ZNF813: variants seen among roughly 807,000 people sequenced by gnomAD.
ZNF813 encodes zinc finger protein 813.
A neutral mutation model predicts 7.2 loss-of-function variants in ZNF813; 3 were observed. The ratio of observed to expected loss-of-function variants is 0.42; its 90% confidence interval spans 0.19 to 1.08. The LOEUF is 1.08. Ranked by LOEUF, ZNF813 falls within the 50% of genes least tolerant of loss-of-function variation. The pLI is 0.30. For missense variants in ZNF813, 714 were observed against 753.3 expected, an observed-to-expected ratio of 0.95 and a Z score of 0.61; for synonymous variants, 227 against 256.3, an observed-to-expected ratio of 0.89 and a Z score of 1.09.
At chr19:53,485,217 TG>T (rs761583896) in intron 2 of ZNF813, among the ~76,000 whole-genome samples, 7 of 152,152 alleles carry the variant, frequency 4.6e-5, no homozygotes, top group Non-Finnish European at 8.8e-5. Flanking sequence ...GTTGAAAGGG[TG>T]ATTGCTTCCT....
chr19:53,487,173 C>T (rs899880793), intron 3 of ZNF813, among the ~76,000 whole-genome samples: 3 of 152,018 alleles, frequency 2.0e-5, no homozygotes, highest in African/African-American at 7.2e-5. Flanking sequence ...CAATATGAGT[C>T]TTCTGTAGAA....
chr19:53,469,780 T>C (rs2086347085), intron 1 of ZNF813, among the ~76,000 whole-genome samples: 2 of 149,530 alleles, frequency 1.3e-5, no homozygotes, highest in South Asian at 2.1e-4. Flanking sequence ...CCTGGGGATC[T>C]AGGCTGCCAG....
At chr19:53,486,549 T>C in intron 2 of ZNF813, 83 bp from the exon 3 acceptor site, 3 of 1,609,600 alleles carry the variant, frequency 1.9e-6, no homozygotes, top group Non-Finnish European at 1.7e-6. Context: ...AAATCCATGC[T>C]TTCCCCTCTC....
At chr19:53,468,042 T>C (rs2086335958) in intron 1 of ZNF813, among the ~76,000 whole-genome samples, 1 of 152,238 alleles carries the variant, frequency 6.6e-6, no homozygotes, top group Admixed American at 6.5e-5. Flanking sequence ...TTTCCTGCTC[T>C]AAACCTTTCT....
rs1468764709 is a variant in ZNF813, at chr19:53,492,747, A to G, written c.*661A>G. ...TCGGCAAATTTTTCAGACATCGTCC[A>G]TACCTTGCAGTTCATTGGCGAACTC... On this transcript the variant is annotated 3_prime_UTR_variant, in exon 4 of 4. Coordinates refer to ENST00000396403, the MANE Select transcript of ZNF813 (RefSeq NM_001004301.4). 3.5e-5 allele frequency: 22 copies of G among 628,740 alleles called. No homozygotes were observed. The highest frequency in any genetic ancestry group is 5.6e-5 in the Non-Finnish European group (20 of 356,494). The allele number at this position is 628,740 out of a possible 1,614,324, so 38.9% of individuals were successfully genotyped here. A position where few individuals can be genotyped will look rare whatever the true frequency, so the allele number is the denominator to read the frequency against.
chr19:53,476,274 A>C (rs1373456303), intron 1 of ZNF813, among the ~76,000 whole-genome samples: 1 of 152,172 alleles, frequency 6.6e-6, no homozygotes, highest in African/African-American at 2.4e-5. Context: ...ATACTGCAAC[A>C]AGGTGCAGTT....
intron 2 of ZNF813, among the ~76,000 whole-genome samples, chr19:53,484,943 A>C (rs1271017371): frequency 6.6e-6 from 1 of 152,208 alleles, no homozygotes; most frequent in African/African-American, 2.4e-5. Flanking sequence ...GTAAAACTCC[A>C]AGCAAAGCTG....
chr19:53,472,237 T>C (rs57415661), intron 1 of ZNF813, among the ~76,000 whole-genome samples: 15,319 of 152,126 alleles, frequency 0.1, 836 homozygotes, highest in Non-Finnish European at 0.11. Flanking sequence ...TTACTGGCAT[T>C]TCGATAAGCA....
intron 1 of ZNF813, among the ~76,000 whole-genome samples, chr19:53,475,800 C>G (rs2086379171): frequency 6.6e-6 from 1 of 152,196 alleles, no homozygotes; most frequent in Non-Finnish European, 1.5e-5. Context: ...GTCAGAGCCC[C>G]TATAGTCATT....
intron 1 of ZNF813, among the ~76,000 whole-genome samples, chr19:53,478,165 T>C (rs7247895): frequency 0.34 from 51,982 of 151,888 alleles, 9,260 homozygotes; most frequent in Middle Eastern, 0.5. Context: ...ATACTTTTAA[T>C]TAAATTAATT....
intron 1 of ZNF813, among the ~76,000 whole-genome samples, chr19:53,477,984 G>T (rs2086389642): frequency 6.6e-6 from 1 of 152,016 alleles, no homozygotes; most frequent in Non-Finnish European, 1.5e-5. Flanking sequence ...TATCTATAAG[G>T]CATGTACATT....
chr19:53,483,646 G>A, intron 1 of ZNF813, 104 bp from the exon 2 acceptor site: 1 of 1,170,344 alleles, frequency 8.5e-7, no homozygotes, highest in Non-Finnish European at 1.2e-6. Flanking sequence ...GCAGCATAGG[G>A]GACCGTATTT....
Position 53,494,203 on chromosome 19 carries a change from T to G in ZNF813, c.*2117T>G, listed in dbSNP as rs2086476558. 1 of 152,178 alleles carries G rather than the reference T, an allele frequency of 6.6e-6. No individual in the cohort carries two copies. The highest frequency in any genetic ancestry group is 1.5e-5 in the Non-Finnish European group (1 of 68,026). 9.4% of individuals were successfully genotyped at this position (152,178 alleles called of 1,614,324 possible). ...TTTAGTACAAGGGGTCTTCAAGAAG[T>G]TCATGGAAAAATACATATTTTGCAT... On this transcript the variant is annotated 3_prime_UTR_variant, in exon 4 of 4. Transcript: ENST00000396403.
chr19:53,480,303 T>C, intron 1 of ZNF813: 1 of 714,600 alleles, frequency 1.4e-6, no homozygotes, highest in Non-Finnish European at 2.6e-6. Context: ...TGAGAACCTT[T>C]GCAAACAACA....
At chr19:53,479,436 C>G in intron 1 of ZNF813, 3 of 1,551,064 alleles carry the variant, frequency 1.9e-6, no homozygotes, top group Non-Finnish European at 8.8e-7. Context: ...GAGCTGAGCA[C>G]CTCCAGTGAG....
At position 53,492,939 on chromosome 19, in the gene ZNF813, A is replaced by G. The variant is rs1186570411; in HGVS notation, c.*853A>G. 2.1e-6 allele frequency: 1 copy of G among 478,650 alleles called. No individual in the cohort carries two copies. The allele number at this position is 478,650 out of a possible 1,614,324, so 29.7% of individuals were successfully genotyped here. A position where few individuals can be genotyped will look rare whatever the true frequency, so the allele number is the denominator to read the frequency against. On this transcript the variant is annotated 3_prime_UTR_variant, in exon 4 of 4. Transcript: ENST00000396403. ...CACCTCCTTAGACATCAGAGAATGC[A>G]CACTGGACGGAAATCTTACAAATGT...
chr19:53,492,335 C>G lies in ZNF813; in HGVS notation c.*249C>G. The G allele has an allele frequency of 1.6e-6, 1 of 621,696 alleles. No homozygotes were observed. Among genetic ancestry groups the G allele is most frequent in the East Asian group, 3.0e-5 (1 of 33,854 alleles). The allele number at this position is 621,696 out of a possible 1,614,324, so 38.5% of individuals were successfully genotyped here. ...ACAAAGTTTACAGTGGCAAATCGAG[C>G]CTCAAAAGACAGGAGAATTCATACT... is the stretch of plus-strand genomic sequence containing the variant. On this transcript the variant is annotated 3_prime_UTR_variant, in exon 4 of 4. Transcript: ENST00000396403.
intron 3 of ZNF813, among the ~76,000 whole-genome samples, chr19:53,487,926 CT>C (rs552433280): frequency 6.1e-4 from 93 of 151,936 alleles, no homozygotes; most frequent in African/African-American, 1.4e-3. Context: ...TGTTTTCATG[CT>C]TTTTTTCTTT....
rs1171214046 is a variant in ZNF813 at position 53,477,208 on chromosome 19, A to G, written c.-73-6542A>G. ...CAACATGCAAATCTTGCACCAGCCT[A>G]TATTCATTAGACCCTGGCCCTGGCA... On this transcript the variant is annotated intron_variant, in intron 1 of 3. Coordinates refer to ENST00000396403, the MANE Select transcript of ZNF813 (RefSeq NM_001004301.4). Among the ~76,000 whole-genome samples the G allele has an allele frequency of 4.6e-5, 7 of 152,284 alleles. No individual in the cohort carries two copies. In the East Asian group the frequency reaches 1.4e-3, roughly 29 times the overall value.
Sources: allele counts gnomAD v4.1 joint callset (sites outside exome capture counted in the v4.1 genomes callset), GRCh38; gene constraint gnomAD v4.1.1; transcripts MANE v1.5; gene names NCBI Gene and HGNC (gene_info 2026-07-23, HGNC 2026-07-21).